The following CLCA2 variants were observed in gnomAD, a reference collection of about 807,000 sequenced individuals.
The protein encoded by CLCA2 is calcium-activated chloride channel regulator 2.
CLCA2 carries 85 observed loss-of-function variants against 82.9 expected under a neutral mutation model. The observed-to-expected ratio is 1.03, with a 90% CI of 0.86 to 1.23. The LOEUF is 1.23. Among genes scored for constraint, CLCA2 ranks in the 50% most tolerant of loss-of-function variants. The probability of loss-of-function intolerance (pLI) is 0.00; values close to 1 mark genes in which losing one functional copy is unlikely to be tolerated. For synonymous variants in CLCA2, 421 were observed against 391.7 expected, an observed-to-expected ratio of 1.07 and a Z score of -0.88; for missense variants, 1,089 against 1,124.8, an observed-to-expected ratio of 0.97 and a Z score of 0.45.
rs567632986 is a variant in CLCA2, at chr1:86,456,456, G to A, written c.*929G>A. The stretch of plus-strand genomic sequence containing the variant: ...AGGGCAGGGGAAGGGGGATATAGAG[G>A]TCACAAGGAAATAAAAATCATCTTT... On this transcript the variant is annotated 3_prime_UTR_variant, in exon 14 of 14. Transcript: ENST00000370565. The A allele has an allele frequency of 3.7e-4, 56 of 152,188 alleles. 1 individual carries two copies. The highest frequency in any genetic ancestry group is 1.3e-3 in the African/African-American group (53 of 41,506). 9.4% of individuals were successfully genotyped at this position (152,188 alleles called of 1,614,324 possible).
intron 6 of CLCA2, among the ~76,000 whole-genome samples, chr1:86,436,799 C>T (rs1662617766): frequency 6.6e-6 from 1 of 152,148 alleles, no homozygotes; most frequent in African/African-American, 2.4e-5. Flanking sequence ...CCACAACCTC[C>T]AACTCCCAGG....
At chr1:86,442,677 C>T (rs1662758892) in intron 9 of CLCA2, among the ~76,000 whole-genome samples, 1 of 149,598 alleles carries the variant, frequency 6.7e-6, no homozygotes, top group Non-Finnish European at 1.5e-5. Context: ...CAGATTTGAG[C>T]AATTAACGAA....
intron 3 of CLCA2, among the ~76,000 whole-genome samples, chr1:86,429,251 A>G (rs1662446549): frequency 6.6e-6 from 1 of 152,210 alleles, no homozygotes; most frequent in Non-Finnish European, 1.5e-5. Flanking sequence ...AAGGACACTG[A>G]GGATTTCCTA....
chr1:86,426,822 A>G (rs1662394036), intron 2 of CLCA2, among the ~76,000 whole-genome samples: 1 of 152,168 alleles, frequency 6.6e-6, no homozygotes. Context: ...TAATGCATCT[A>G]TTGGGCCTTC....
At position 86,450,584 on chromosome 1, in the gene CLCA2, A is replaced by G. The variant is rs200676924; in HGVS notation, c.2006A>G (p.Asp669Gly). ...DGAGADVIKN[D>G]GIYSRYFFSF... ...ACAGGTGCTGATGTTATAAAAAATG[A>G]TGGAATTTACTCGAGGTATTTTTTC... The change falls in exon 12 of 14, where the codon GAT (aspartate) becomes GGT (glycine). Residue 669 changes from aspartate (D) to glycine (G), a missense_variant. Coordinates refer to ENST00000370565, the MANE Select transcript of CLCA2 (RefSeq NM_006536.7). 6 of 1,612,708 alleles carry G rather than the reference A, an allele frequency of 3.7e-6. No homozygotes were observed. Among genetic ancestry groups the G allele is most frequent in the Non-Finnish European group, 2.5e-6 (3 of 1,179,252 alleles).
chr1:86,446,462 T>C (rs1194611311), intron 10 of CLCA2, among the ~76,000 whole-genome samples: 1 of 152,188 alleles, frequency 6.6e-6, no homozygotes, highest in Non-Finnish European at 1.5e-5. Flanking sequence ...CTGGATTAGA[T>C]GCCCTGTATC....
intron 11 of CLCA2, among the ~76,000 whole-genome samples, chr1:86,448,895 G>A (rs997873622): frequency 2.6e-5 from 4 of 152,208 alleles, no homozygotes; most frequent in Admixed American, 2.0e-4. Flanking sequence ...TTTGCAGAAT[G>A]TTTCTCTCTT....
rs528417593 is a variant in CLCA2, at chr1:86,434,807, T to G, written c.972+62T>G. On this transcript the variant is annotated intron_variant, in intron 6 of 13. Coordinates refer to ENST00000370565, the MANE Select transcript of CLCA2 (RefSeq NM_006536.7). Reference sequence around the variant, plus strand: ...CATTTTTTCTATCAGTTCTTTATTATCTCAATTTATTTTAAGTTCTGGGGT... The same window carrying G: ...CATTTTTTCTATCAGTTCTTTATTAGCTCAATTTATTTTAAGTTCTGGGGT... 1.2e-4 allele frequency: 159 copies of G among 1,359,454 alleles called. 3 individuals are homozygous for G. The South Asian group carries it at 1.9e-3, about 16-fold the overall frequency. The allele number at this position is 1,359,454 out of a possible 1,614,324, so 84.2% of individuals were successfully genotyped here. A position where few individuals can be genotyped will look rare whatever the true frequency, so the allele number is the denominator to read the frequency against.
intron 7 of CLCA2, 113 bp downstream of exon 7, chr1:86,439,219 C>T (rs759252322): frequency 4.1e-4 from 352 of 860,356 alleles, no homozygotes; most frequent in Admixed American, 6.7e-4. Flanking sequence ...ATAACAGCCT[C>T]AACTATGAAA....
chr1:86,435,487 A>C (rs550815621), intron 6 of CLCA2, among the ~76,000 whole-genome samples: 1 of 152,346 alleles, frequency 6.6e-6, no homozygotes, highest in Admixed American at 6.5e-5. Context: ...ACAGAAGACC[A>C]TATCTCAGTC....
Position 86,435,879 on chromosome 1 carries a change from C to A in CLCA2, c.972+1134C>A, listed in dbSNP as rs374117039. Among the ~76,000 whole-genome samples, 285 of 151,536 alleles carry A rather than the reference C, an allele frequency of 1.9e-3. 3 individuals are homozygous for A. Among genetic ancestry groups the A allele is most frequent in the South Asian group, 0.012 (59 of 4,804 alleles). On this transcript the variant is annotated intron_variant, in intron 6 of 13. Coordinates refer to ENST00000370565, the MANE Select transcript of CLCA2 (RefSeq NM_006536.7). ...CCCAGGGTCAGCAAACTATGTCTCA[C>A]TACCTGTTTTGCATGGCTCACAAAA...
chr1:86,427,325 T>C (rs1177084609), intron 2 of CLCA2, among the ~76,000 whole-genome samples: 1 of 152,144 alleles, frequency 6.6e-6, no homozygotes, highest in South Asian at 2.1e-4. Context: ...GTGAGGACTA[T>C]CCAAGAGTGT....
intron 3 of CLCA2, 139 bp from the exon 4 acceptor site, chr1:86,430,723 G>C: frequency 1.5e-6 from 1 of 684,374 alleles, no homozygotes; most frequent in Non-Finnish European, 2.6e-6. Flanking sequence ...GAGAGGAAAA[G>C]GGGAGAGAGG....
rs986704815 is a variant in CLCA2 at position 86,440,321 on chromosome 1, T to C, written c.1377T>C (p.Leu459=). The C allele has an allele frequency of 6.2e-7, 1 of 1,613,002 alleles. No homozygotes were observed. The highest frequency in any genetic ancestry group is 1.3e-5 in the African/African-American group (1 of 74,842). ...CAAATCTGGAGGAATTATCACGTCT[T>C]ACAGGTAATAAACTTTTAAAAACTT... ...AAPNLEELSR[L]TGGLKFFVPD... The change falls in exon 8 of 14, where the codon CTT becomes CTC. Residue 459 remains leucine (L), a synonymous_variant. Coordinates refer to ENST00000370565, the MANE Select transcript of CLCA2 (RefSeq NM_006536.7).
At chr1:86,441,674 T>C in intron 9 of CLCA2, 131 bp downstream of exon 9, 1 of 576,004 alleles carries the variant, frequency 1.7e-6, no homozygotes, top group Non-Finnish European at 3.0e-6. Context: ...TATGGAAGGC[T>C]TTTAAAAGGC....
intron 6 of CLCA2, among the ~76,000 whole-genome samples, chr1:86,436,651 C>A (rs925964221): frequency 6.6e-6 from 1 of 152,072 alleles, no homozygotes; most frequent in Admixed American, 6.5e-5. Flanking sequence ...ATATAGCCAG[C>A]ATTTGAATAA....
rs747271376 is a variant in CLCA2 at position 86,443,926 on chromosome 1, C to G, written c.1628C>G (p.Pro543Arg). The change falls in exon 10 of 14, where the codon CCT becomes CGT. Residue 543 changes from proline (P) to arginine (R), a missense_variant. Pro to Arg is a moderately radical substitution (Grantham distance 103). Coordinates refer to ENST00000370565, the MANE Select transcript of CLCA2 (RefSeq NM_006536.7). ...CCTCCTGAGATTATATTATTTGATC[C>G]TGATGGACGAAAATACTACACAAAT... is the stretch of plus-strand genomic sequence containing the variant. ...SGPPEIILFD[P>R]DGRKYYTNNF... 1.2e-6 allele frequency: 2 copies of G among 1,613,536 alleles called. No homozygotes were observed. Among genetic ancestry groups the G allele is most frequent in the South Asian group, 2.2e-5 (2 of 91,062 alleles).
In CLCA2 at chr1:86,455,925, T is replaced by G. The variant is rs1467332908; in HGVS notation, c.*398T>G. The G allele has an allele frequency of 6.5e-6, 1 of 153,110 alleles. No individual in the cohort carries two copies. The highest frequency in any genetic ancestry group is 1.9e-4 in the East Asian group (1 of 5,212). 9.5% of individuals were successfully genotyped at this position (153,110 alleles called of 1,614,324 possible). On this transcript the variant is annotated 3_prime_UTR_variant, in exon 14 of 14. Transcript: ENST00000370565. ...CTTTGATTAATTTTTCTTTTCTCCT[T>G]ATCTGTGCAGAACAGGTTGCTTGTT...
At chr1:86,455,061 C>T (rs1453020390) in intron 13 of CLCA2, 24 bp from the exon 14 acceptor site, 4 of 1,354,418 alleles carry the variant, frequency 3.0e-6, no homozygotes, top group Non-Finnish European at 4.0e-6. Flanking sequence ...ACTTAATTTT[C>T]CTATTTATAT....
Sources: gnomAD v4.1 joint callset for allele counts (sites outside exome capture counted in the v4.1 genomes callset) on GRCh38, gnomAD v4.1.1 for gene constraint, MANE v1.5 for transcripts, NCBI Gene and HGNC (gene_info 2026-07-23, HGNC 2026-07-21) for gene names.